EIF4H: variants seen among roughly 807,000 people sequenced by gnomAD.
The protein encoded by EIF4H is eukaryotic translation initiation factor 4H.
In EIF4H, 8 loss-of-function variants were observed where a neutral mutation model predicts 30.6. That is an observed-to-expected ratio of 0.26 (90% CI 0.15 to 0.47). The LOEUF is 0.47. Among genes scored for constraint, EIF4H ranks in the 20% least tolerant of loss-of-function variants. EIF4H has a pLI of 0.99. For synonymous variants in EIF4H, 106 were observed against 122.7 expected, an observed-to-expected ratio of 0.86 and a Z score of 0.90; for missense variants, 188 against 339.5, an observed-to-expected ratio of 0.55 and a Z score of 3.51.
intron 1 of EIF4H, among the ~76,000 whole-genome samples, chr7:74,181,416 GT>G: frequency 6.6e-6 from 1 of 151,052 alleles, no homozygotes; most frequent in East Asian, 1.9e-4. Context: ...TTCTTTCTTT[GT>G]TTTTTTTGTT....
chr7:74,181,449 G>T (rs1278362526), intron 1 of EIF4H, among the ~76,000 whole-genome samples: 1 of 151,130 alleles, frequency 6.6e-6, no homozygotes, highest in Non-Finnish European at 1.5e-5. Context: ...TTTGTTTTCT[G>T]AGGCAGAGTT....
At chr7:74,183,551 G>A (rs1015029554) in intron 1 of EIF4H, among the ~76,000 whole-genome samples, 5 of 152,346 alleles carry the variant, frequency 3.3e-5, no homozygotes, top group Admixed American at 3.3e-4. Context: ...AAGGTGTCAA[G>A]TGAACCTGTT....
At chr7:74,185,633 T>G (rs1801064229) in intron 1 of EIF4H, among the ~76,000 whole-genome samples, 1 of 152,170 alleles carries the variant, frequency 6.6e-6, no homozygotes, top group African/African-American at 2.4e-5. Flanking sequence ...AGAAAAATGC[T>G]TTAATGAATA....
At chr7:74,183,583 C>A (rs1801013365) in intron 1 of EIF4H, among the ~76,000 whole-genome samples, 1 of 152,190 alleles carries the variant, frequency 6.6e-6, no homozygotes, top group Non-Finnish European at 1.5e-5. Flanking sequence ...TGTTATTGAT[C>A]TGTGTAGGAA....
intron 2 of EIF4H, 138 bp downstream of exon 2, chr7:74,187,936 C>A: frequency 1.0e-6 from 1 of 989,884 alleles, no homozygotes; most frequent in Non-Finnish European, 1.4e-6. Flanking sequence ...TCTAAGTGGC[C>A]GAAAGAAACA....
At chr7:74,190,818 C>G (rs1801189691) in intron 5 of EIF4H, among the ~76,000 whole-genome samples, 1 of 152,130 alleles carries the variant, frequency 6.6e-6, no homozygotes, top group South Asian at 2.1e-4. Flanking sequence ...TGGTATAGCA[C>G]AAAGCATCAG....
chr7:74,178,986 C>T (rs1361209953), intron 1 of EIF4H, among the ~76,000 whole-genome samples: 1 of 152,206 alleles, frequency 6.6e-6, no homozygotes, highest in African/African-American at 2.4e-5. Flanking sequence ...GGGCCGTCAC[C>T]TCCCTTTGTT....
chr7:74,178,834 G>A (rs1278638132), intron 1 of EIF4H, among the ~76,000 whole-genome samples: 5 of 152,156 alleles, frequency 3.3e-5, no homozygotes, highest in African/African-American at 9.7e-5. Context: ...TGTGTAAGTC[G>A]AATGTTCTTC....
chr7:74,194,080 CAAAT>C (rs1370319000), intron 5 of EIF4H, among the ~76,000 whole-genome samples: 9 of 152,342 alleles, frequency 5.9e-5, no homozygotes, highest in South Asian at 4.1e-4. Context: ...AGCAGGCACA[CAAAT>C]GAATGGGGAA....
At position 74,195,377 on chromosome 7, in the gene EIF4H, A is replaced by T; in HGVS notation, c.*69A>T. On this transcript the variant is annotated 3_prime_UTR_variant, in exon 7 of 7. Transcript: ENST00000265753. ...ACCACAGCCTGGTGAGTCCCCGGGC[A>T]GCCGTCCTGCAGCCGCCACTCCTGC... is the stretch of plus-strand genomic sequence containing the variant. 6.8e-7 allele frequency: 1 copy of T among 1,464,612 alleles called. No individual in the cohort carries two copies. The highest frequency in any genetic ancestry group is 9.1e-7 in the Non-Finnish European group (1 of 1,102,076). 90.7% of individuals were successfully genotyped at this position (1,464,612 alleles called of 1,614,324 possible). A position where few individuals can be genotyped will look rare whatever the true frequency, so the allele number is the denominator to read the frequency against.
rs1207256141 is a variant in EIF4H at position 74,196,773 on chromosome 7, ACTCT to A, written c.*1471_*1474del. On this transcript the variant is annotated 3_prime_UTR_variant, in exon 7 of 7. Transcript: ENST00000265753. Reference sequence around the variant, plus strand: ...TTACAAGGCCTCAGCAATCCACAGAACTCTCTCTCCTTCCTTCCACCTGTCAGCT... The same window carrying A: ...TTACAAGGCCTCAGCAATCCACAGAACTCTCCTTCCTTCCACCTGTCAGCT... 8.6e-5 allele frequency: 13 copies of A among 150,406 alleles called. No homozygotes were observed. Among genetic ancestry groups the A allele is most frequent in the African/African-American group, 2.2e-4 (9 of 40,818 alleles). 9.3% of individuals were successfully genotyped at this position (150,406 alleles called of 1,614,324 possible). A position where few individuals can be genotyped will look rare whatever the true frequency, so the allele number is the denominator to read the frequency against.
chr7:74,190,204 G>A (rs1801172533), intron 4 of EIF4H, 43 bp from the exon 5 acceptor site: 1 of 1,590,276 alleles, frequency 6.3e-7, no homozygotes, highest in Non-Finnish European at 8.6e-7. Context: ...GCGCAGCAAG[G>A]TAATGACACG....
At chr7:74,180,581 A>G (rs1465219913) in intron 1 of EIF4H, among the ~76,000 whole-genome samples, 2 of 152,188 alleles carry the variant, frequency 1.3e-5, no homozygotes, top group Non-Finnish European at 2.9e-5. Context: ...TGAGATCAGT[A>G]TAGGTCTTTG....
chr7:74,189,810 CT>C lies in EIF4H; in HGVS notation c.313-9del, dbSNP rs781935844. 2 of 1,613,958 alleles carry C rather than the reference CT, an allele frequency of 1.2e-6. No homozygotes were observed. The highest frequency in any genetic ancestry group is 2.7e-5 in the African/African-American group (2 of 74,914). ...TTTGCCAATACTTACACTATTTTCC[CT>C]TTATCATTAGCTGTTGGGCGATCGG... On this transcript the variant is annotated splice_polypyrimidine_tract_variant and intron_variant, in intron 3 of 6. Coordinates refer to ENST00000265753, the MANE Select transcript of EIF4H (RefSeq NM_022170.2).
chr7:74,189,627 A>T (rs191252355), intron 2 of EIF4H, 46 bp from the exon 3 acceptor site: 6 of 1,605,994 alleles, frequency 3.7e-6, no homozygotes, highest in Non-Finnish European at 5.1e-6. Context: ...CCACATCTTT[A>T]ACCCAGAATT....
chr7:74,178,168 T>C (rs1247941979), intron 1 of EIF4H, among the ~76,000 whole-genome samples: 5 of 152,094 alleles, frequency 3.3e-5, no homozygotes, highest in Admixed American at 3.3e-4. Flanking sequence ...CTCAAACCCC[T>C]GGGCTCAAGG....
At chr7:74,183,550 A>T (rs566722327) in intron 1 of EIF4H, among the ~76,000 whole-genome samples, 2 of 152,378 alleles carry the variant, frequency 1.3e-5, no homozygotes, top group African/African-American at 4.8e-5. Context: ...TAAGGTGTCA[A>T]GTGAACCTGT....
intron 1 of EIF4H, among the ~76,000 whole-genome samples, chr7:74,176,677 G>A (rs142479465): frequency 2.0e-5 from 3 of 152,232 alleles, no homozygotes; most frequent in African/African-American, 4.8e-5. Flanking sequence ...AGTTTATTTC[G>A]TAGTTGTGTT....
chr7:74,186,788 ATTTTTTTTTTTT>A lies in EIF4H; in HGVS notation c.60-782_60-771del, dbSNP rs564794579. Among the ~76,000 whole-genome samples, 295 of 70,094 alleles carry A rather than the reference ATTTTTTTTTTTT, an allele frequency of 4.2e-3. 93 individuals are homozygous for A. The highest frequency in any genetic ancestry group is 0.014 in the Middle Eastern group (2 of 140). 46.0% of individuals were successfully genotyped at this position (70,094 alleles called of 152,430 possible). ...GCCCATAATCAGGCAACAAGGAGAA[ATTTTTTTTTTTT>A]TTTTTTTTTTTTTTTTTTTTTTTTT... On this transcript the variant is annotated intron_variant, in intron 1 of 6. Coordinates refer to ENST00000265753, the MANE Select transcript of EIF4H (RefSeq NM_022170.2).
Sources: allele counts gnomAD v4.1 joint callset (sites outside exome capture counted in the v4.1 genomes callset), GRCh38; gene constraint gnomAD v4.1.1; transcripts MANE v1.5; gene names NCBI Gene and HGNC (gene_info 2026-07-23, HGNC 2026-07-21).